CTNNA2: variants seen among roughly 807,000 people sequenced by gnomAD.
CTNNA2 encodes catenin alpha 2.
In CTNNA2, 42 loss-of-function variants were observed where a neutral mutation model predicts 101.0. The observed-to-expected ratio is 0.42, with a 90% CI of 0.32 to 0.54. The LOEUF is 0.54. CTNNA2 is among the 20% of genes least tolerant of loss of function. The pLI is 0.14. For synonymous variants in CTNNA2, 450 were observed against 456.4 expected, an observed-to-expected ratio of 0.99 and a Z score of 0.18; for missense variants, 871 against 1,223.1, an observed-to-expected ratio of 0.71 and a Z score of 4.29.
At chr2:80,411,135 T>G (rs1679531835) in intron 8 of CTNNA2, among the ~76,000 whole-genome samples, 1 of 152,204 alleles carries the variant, frequency 6.6e-6, no homozygotes, top group Non-Finnish European at 1.5e-5. Context: ...GTTAGAACCC[T>G]AAGAAACACA....
At chr2:79,872,387 A>AT (rs1008413177) in intron 5 of CTNNA2, among the ~76,000 whole-genome samples, 4 of 151,700 alleles carry the variant, frequency 2.6e-5, no homozygotes, top group Admixed American at 6.6e-5. Flanking sequence ...CCATTTTATT[A>AT]TTTTTTTTAG....
At chr2:79,716,822 A>G (rs1442614459) in intron 2 of CTNNA2, among the ~76,000 whole-genome samples, 1 of 152,192 alleles carries the variant, frequency 6.6e-6, no homozygotes, top group African/African-American at 2.4e-5. Context: ...ACTGCAGGGA[A>G]AAAAATAAGA....
chr2:79,637,731 T>C (rs1371357200), intron 1 of CTNNA2, among the ~76,000 whole-genome samples: 1 of 152,234 alleles, frequency 6.6e-6, no homozygotes, highest in African/African-American at 2.4e-5. Flanking sequence ...TTTCTTAGCC[T>C]GTTCTGCCCC....
rs189018184 is a variant in CTNNA2, at chr2:79,690,064, A to C, written c.102+38406A>C. ...TAGATAACTGGTAAGGATTTTCTAAATCTGATGAAAGCCATTAAGCCACAG... is the reference window on the plus strand; with the variant it reads ...TAGATAACTGGTAAGGATTTTCTAACTCTGATGAAAGCCATTAAGCCACAG... On this transcript the variant is annotated intron_variant, in intron 2 of 18. Coordinates refer to ENST00000402739, the MANE Select transcript of CTNNA2 (RefSeq NM_001282597.3). Among the ~76,000 whole-genome samples, 11 of 152,170 alleles carry C rather than the reference A, an allele frequency of 7.2e-5. No homozygotes were observed. In the East Asian group the frequency reaches 1.9e-3, roughly 27 times the overall value.
chr2:80,042,617 T>A (rs1329031186), intron 7 of CTNNA2, among the ~76,000 whole-genome samples: 1 of 152,120 alleles, frequency 6.6e-6, no homozygotes, highest in South Asian at 2.1e-4. Flanking sequence ...CTGTCCTGTC[T>A]CTGTGGGAAA....
chr2:80,483,550 G>A (rs1686314311), intron 9 of CTNNA2, among the ~76,000 whole-genome samples: 1 of 152,064 alleles, frequency 6.6e-6, no homozygotes, highest in African/African-American at 2.4e-5. Context: ...GAAATGTAAA[G>A]TCAGAGTTCC....
At chr2:79,356,517 G>A (rs79217373) in intron 3 of CTNNA2, among the ~76,000 whole-genome samples, 12,959 of 152,228 alleles carry the variant, frequency 0.085, 899 homozygotes, top group East Asian at 0.35. Flanking sequence ...CAAGAAAACA[G>A]TGAAAAGTTA....
At chr2:79,615,192 G>A (rs1678536206) in intron 1 of CTNNA2, among the ~76,000 whole-genome samples, 1 of 151,960 alleles carries the variant, frequency 6.6e-6, no homozygotes, top group South Asian at 2.1e-4. Context: ...TTTATTTAAA[G>A]AATATTTTTC....
At chr2:79,357,518 C>T (rs1173038385) in intron 3 of CTNNA2, among the ~76,000 whole-genome samples, 4 of 152,082 alleles carry the variant, frequency 2.6e-5, no homozygotes, top group African/African-American at 9.7e-5. Context: ...ATAAATGTGA[C>T]TGGAGTTCCA....
intron 16 of CTNNA2, among the ~76,000 whole-genome samples, chr2:80,605,965 T>A (rs1405932921): frequency 1.3e-5 from 2 of 151,848 alleles, no homozygotes; most frequent in Non-Finnish European, 2.9e-5. Flanking sequence ...GGGTTTTTTT[T>A]GACAGACTTC....
intron 1 of CTNNA2, among the ~76,000 whole-genome samples, chr2:79,590,078 G>C (rs1226483507): frequency 6.6e-6 from 1 of 152,126 alleles, no homozygotes; most frequent in African/African-American, 2.4e-5. Context: ...ATGTGTCTCA[G>C]TTTTTCTTTT....
chr2:79,821,424 G>C (rs1677998883), intron 3 of CTNNA2, among the ~76,000 whole-genome samples: 1 of 152,046 alleles, frequency 6.6e-6, no homozygotes. Flanking sequence ...GCCCAGATTG[G>C]TCTTGAACTT....
chr2:79,486,181 G>A (rs569995871), intron 4 of CTNNA2, among the ~76,000 whole-genome samples: 24 of 151,810 alleles, frequency 1.6e-4, no homozygotes, highest in African/African-American at 5.3e-4. Context: ...CCATTAACTC[G>A]TCATTTAACA....
At chr2:79,777,762 C>G (rs1004890123) in intron 3 of CTNNA2, among the ~76,000 whole-genome samples, 1 of 152,056 alleles carries the variant, frequency 6.6e-6, no homozygotes, top group Admixed American at 6.6e-5. Flanking sequence ...TATTATGTCC[C>G]AATTTCTAAC....
chr2:80,293,318 A>G (rs773968686), intron 7 of CTNNA2, among the ~76,000 whole-genome samples: 1 of 152,222 alleles, frequency 6.6e-6, no homozygotes, highest in African/African-American at 2.4e-5. Context: ...AAGGCTGCCT[A>G]CAATATCTCT....
chr2:80,063,751 T>G (rs565300098), intron 7 of CTNNA2, among the ~76,000 whole-genome samples: 54 of 152,256 alleles, frequency 3.5e-4, no homozygotes, highest in Non-Finnish European at 6.8e-4. Flanking sequence ...GCCTGTTTTA[T>G]TCTTGTTTCT....
chr2:79,818,003 A>G (rs1330461890), intron 3 of CTNNA2, among the ~76,000 whole-genome samples: 2 of 152,152 alleles, frequency 1.3e-5, no homozygotes, highest in Non-Finnish European at 2.9e-5. Context: ...TTGGGCTTCA[A>G]TTTTTAATTT....
chr2:79,711,568 T>G (rs546248920), intron 2 of CTNNA2, among the ~76,000 whole-genome samples: 1 of 152,300 alleles, frequency 6.6e-6, no homozygotes, highest in South Asian at 2.1e-4. Flanking sequence ...TGTCATATTT[T>G]TTTCTCATTT....
chr2:79,208,715 C>A (rs892724161), intron 2 of CTNNA2, among the ~76,000 whole-genome samples: 23 of 152,222 alleles, frequency 1.5e-4, no homozygotes, highest in African/African-American at 5.1e-4. Flanking sequence ...CATTCAGGGC[C>A]CTCTTCATTT....
Sources: gnomAD v4.1 joint callset for allele counts (sites outside exome capture counted in the v4.1 genomes callset) on GRCh38, gnomAD v4.1.1 for gene constraint, MANE v1.5 for transcripts, NCBI Gene and HGNC (gene_info 2026-07-23, HGNC 2026-07-21) for gene names.